The following C17orf67 variants were observed in gnomAD, a reference collection of about 807,000 sequenced individuals.
C17orf67 encodes chromosome 17 open reading frame 67.
Under a neutral mutation model 11.2 loss-of-function variants are expected in C17orf67, and 12 were observed. The observed-to-expected ratio is 1.07, with a 90% CI of 0.68 to 1.73. The LOEUF (loss-of-function observed/expected upper bound fraction) is 1.73, where lower values mean the gene tolerates loss of function less well. Ranked by LOEUF, C17orf67 falls within the 40% of genes most tolerant of loss-of-function variation. The pLI, the probability that C17orf67 is intolerant of heterozygous loss-of-function variation, is 0.00. For missense variants in C17orf67, 115 were observed against 113.5 expected (o/e 1.01, Z -0.06); for synonymous variants, 59 against 46.9 (o/e 1.26, Z -1.05).
chr17:56,823,195 T>C (rs1283386671), intron 4 of C17orf67, among the ~76,000 whole-genome samples: 1 of 152,168 alleles, frequency 6.6e-6, no homozygotes. Flanking sequence ...GCTAGGCCTC[T>C]AATTGGAAGA....
At chr17:56,813,201 C>T (rs1203704161) in intron 6 of C17orf67, among the ~76,000 whole-genome samples, 1 of 152,144 alleles carries the variant, frequency 6.6e-6, no homozygotes, top group Non-Finnish European at 1.5e-5. Context: ...AGGGGGCCAG[C>T]CAGAGCCCCC....
At position 56,831,533 on chromosome 17, in the gene C17orf67, A is replaced by G. The variant is rs111685952; in HGVS notation, c.-557+1365T>C. On this transcript the variant is annotated intron_variant, in intron 2 of 7. Transcript: ENST00000397861. ...ATCACAGCATCAGCAAGGAACGTGG[A>G]GGATCATTGGGGCGTGAAGTTACTA... is the stretch of plus-strand genomic sequence containing the variant. Among the ~76,000 whole-genome samples, 725 of 152,290 alleles carry G rather than the reference A, an allele frequency of 4.8e-3. 2 individuals are homozygous for G. Among genetic ancestry groups the G allele is most frequent in the African/African-American group, 0.017 (687 of 41,538 alleles).
intron 2 of C17orf67, among the ~76,000 whole-genome samples, chr17:56,826,977 C>A (rs144576413): frequency 1.3e-5 from 2 of 152,320 alleles, no homozygotes; most frequent in Non-Finnish European, 2.9e-5. Context: ...ACAGGCCTGG[C>A]GCTCTGCACA....
intron 6 of C17orf67, 118 bp downstream of exon 6, chr17:56,814,751 C>G: frequency 1.0e-6 from 1 of 963,156 alleles, no homozygotes. Context: ...TATCTTCTAC[C>G]TGAAACTCTA....
intron 2 of C17orf67, among the ~76,000 whole-genome samples, chr17:56,827,658 C>G (rs1906074089): frequency 6.6e-6 from 1 of 152,194 alleles, no homozygotes; most frequent in Admixed American, 6.5e-5. Flanking sequence ...GGAGGTGGAC[C>G]CTGGACTGAA....
chr17:56,795,171 G>A lies in C17orf67; in HGVS notation c.166C>T (p.His56Tyr), dbSNP rs779241148. The A allele has an allele frequency of 3.4e-5, 55 of 1,613,954 alleles. No homozygotes were observed. Among genetic ancestry groups the A allele is most frequent in the Non-Finnish European group, 4.6e-5 (54 of 1,180,018 alleles). The change falls in exon 7 of 8, where the codon CAC (histidine) becomes TAC (tyrosine). Residue 56 changes from histidine to tyrosine, a missense_variant. By Grantham distance (83) the His-to-Tyr change is moderately conservative (BLOSUM62 2). Transcript: ENST00000397861. Reference sequence around the variant, plus strand: ...CGATGCTCCAGGGCGAGCAGGTGGTGCATGTATTCCTGTCAAAACAAACCA... The same window carrying A: ...CGATGCTCCAGGGCGAGCAGGTGGTACATGTATTCCTGTCAAAACAAACCA... Reference protein sequence around the residue: ...FPDEPMREYMHHLLALEHRAE... With the variant: ...FPDEPMREYMYHLLALEHRAE...
chr17:56,832,223 GGC>G (rs1371500819), intron 2 of C17orf67, among the ~76,000 whole-genome samples: 10 of 152,150 alleles, frequency 6.6e-5, no homozygotes, highest in Non-Finnish European at 1.0e-4. Flanking sequence ...TGGGGTTACA[GGC>G]GTGAGCCACA....
chr17:56,795,228 C>A, intron 6 of C17orf67, 48 bp from the exon 7 acceptor site: 1 of 1,551,186 alleles, frequency 6.4e-7, no homozygotes, highest in South Asian at 1.1e-5. Flanking sequence ...CAGTGACAGC[C>A]AAGGGATCAA....
intron 6 of C17orf67, among the ~76,000 whole-genome samples, chr17:56,800,633 CCTT>C: frequency 6.6e-6 from 1 of 152,270 alleles, no homozygotes; most frequent in South Asian, 2.1e-4. Flanking sequence ...CACCCCTGTA[CCTT>C]CTTATTTTCC....
chr17:56,795,283 G>A (rs1230224345), intron 6 of C17orf67, 103 bp from the exon 7 acceptor site: 2 of 971,026 alleles, frequency 2.1e-6, no homozygotes, highest in African/African-American at 1.6e-5. Flanking sequence ...CAGGATGGGA[G>A]GACAGGCAGG....
At chr17:56,827,716 C>G (rs564361868) in intron 2 of C17orf67, among the ~76,000 whole-genome samples, 4 of 152,332 alleles carry the variant, frequency 2.6e-5, no homozygotes, top group African/African-American at 9.6e-5. Flanking sequence ...CCCCATGACC[C>G]AAGTCCTCAA....
intron 4 of C17orf67, among the ~76,000 whole-genome samples, chr17:56,822,553 C>A (rs1445755476): frequency 2.0e-5 from 3 of 152,166 alleles, no homozygotes; most frequent in Non-Finnish European, 4.4e-5. Flanking sequence ...GTGTAAAGTT[C>A]GTGACACATA....
intron 4 of C17orf67, among the ~76,000 whole-genome samples, chr17:56,819,335 C>A (rs1347786904): frequency 6.6e-6 from 1 of 152,176 alleles, no homozygotes; most frequent in Non-Finnish European, 1.5e-5. Flanking sequence ...CCTGCCCTTA[C>A]CAGCCTTCTT....
intron 6 of C17orf67, among the ~76,000 whole-genome samples, chr17:56,801,477 A>G (rs961460114): frequency 4.6e-5 from 7 of 152,168 alleles, no homozygotes; most frequent in African/African-American, 1.7e-4. Context: ...AAAAAGAAAA[A>G]GAATGTGCAA....
intron 4 of C17orf67, among the ~76,000 whole-genome samples, chr17:56,824,479 C>A (rs1336890426): frequency 2.0e-5 from 3 of 152,336 alleles, no homozygotes; most frequent in African/African-American, 7.2e-5. Flanking sequence ...GCTCCCCATT[C>A]TCCCATGTCC....
intron 4 of C17orf67, among the ~76,000 whole-genome samples, chr17:56,816,638 C>T (rs777592558): frequency 7.2e-5 from 11 of 152,206 alleles, no homozygotes; most frequent in Non-Finnish European, 1.2e-4. Context: ...TGTGCTCTTC[C>T]CAGTAAGCCC....
chr17:56,795,412 A>G (rs942466562), intron 6 of C17orf67: 24 of 522,562 alleles, frequency 4.6e-5, no homozygotes, highest in African/African-American at 4.4e-4. Context: ...GTGGATTTCC[A>G]TGAAAACATG....
intron 6 of C17orf67, among the ~76,000 whole-genome samples, chr17:56,803,090 G>A (rs1905361192): frequency 6.6e-6 from 1 of 152,226 alleles, no homozygotes; most frequent in African/African-American, 2.4e-5. Context: ...GAATGCCCTG[G>A]TGAAACAGTA....
rs1000073733 is a variant in C17orf67, at chr17:56,833,662, TC to T, written c.-1047del. ...GTCGGGCGGTGCCGCGCAGGCCGCCTCCCCCCCTCGCTTCCCAGTCGGCTTA... is the reference window on the plus strand; with the variant it reads ...GTCGGGCGGTGCCGCGCAGGCCGCCTCCCCCCTCGCTTCCCAGTCGGCTTA... On this transcript the variant is annotated 5_prime_UTR_variant, in exon 1 of 8. The change abolishes the stop of an existing upstream ORF in the 5' untranslated region. Coordinates refer to ENST00000397861, the MANE Select transcript of C17orf67 (RefSeq NM_001085430.4). 8.6e-5 allele frequency: 13 copies of T among 151,208 alleles called. No homozygotes were observed. The highest frequency in any genetic ancestry group is 1.2e-4 in the African/African-American group (5 of 41,128). 9.4% of individuals were successfully genotyped at this position (151,208 alleles called of 1,614,324 possible).
Sources: allele counts gnomAD v4.1 joint callset (sites outside exome capture counted in the v4.1 genomes callset), GRCh38; gene constraint gnomAD v4.1.1; transcripts MANE v1.5; gene names NCBI Gene and HGNC (gene_info 2026-07-23, HGNC 2026-07-21).